The following RC3H1 variants were observed in gnomAD, a reference collection of about 807,000 sequenced individuals.
RC3H1 encodes the protein ring finger and CCCH-type domains 1.
In RC3H1, 50 loss-of-function variants were observed where a neutral mutation model predicts 138.2. The observed-to-expected ratio is 0.36, with a 90% CI of 0.29 to 0.46. RC3H1 has a LOEUF of 0.46. RC3H1 is among the 20% of genes least tolerant of loss of function. The pLI is 1.00. For synonymous variants in RC3H1, 462 were observed against 489.1 expected (o/e 0.94, Z 0.73); for missense variants, 1,031 against 1,388.1 (o/e 0.74, Z 4.09).
At chr1:174,011,020 T>C (rs777508766) in intron 1 of RC3H1, among the ~76,000 whole-genome samples, 3 of 152,178 alleles carry the variant, frequency 2.0e-5, no homozygotes, top group Non-Finnish European at 2.9e-5. Flanking sequence ...TGTAAGAATA[T>C]TATCTGTACT....
chr1:173,999,805 G>C (rs1412694808), intron 1 of RC3H1, among the ~76,000 whole-genome samples: 1 of 152,186 alleles, frequency 6.6e-6, no homozygotes, highest in African/African-American at 2.4e-5. Context: ...TCTATATACA[G>C]TATCTAATTA....
At position 173,980,124 on chromosome 1, in the gene RC3H1, C is replaced by CG. The variant is rs1351647038; in HGVS notation, c.969+684_969+685insC. ...AACTCCTGGCCTCAAGCAATCCCCC[C>CG]ACCTTGGCCTCTCAAAGTGCTGAGA... On this transcript the variant is annotated intron_variant, in intron 6 of 19. Transcript: ENST00000367696. Among the ~76,000 whole-genome samples the CG allele has an allele frequency of 9.9e-5, 15 of 151,754 alleles. 1 individual carries two copies. The South Asian group carries it at 2.5e-3, about 25-fold the overall frequency.
chr1:173,936,488 T>G lies in RC3H1; in HGVS notation c.*2233A>C, dbSNP rs1238814325. Reference sequence around the variant, plus strand: ...GAGATCAACCCACTGCACTCCAGCCTGGGCAACAGAAGCAGACTCCCTCTC... The same window carrying G: ...GAGATCAACCCACTGCACTCCAGCCGGGGCAACAGAAGCAGACTCCCTCTC... On this transcript the variant is annotated 3_prime_UTR_variant, in exon 20 of 20. Coordinates refer to ENST00000367696, the MANE Select transcript of RC3H1 (RefSeq NM_172071.4). 1.8e-5 allele frequency: 2 copies of G among 108,886 alleles called. No individual in the cohort carries two copies. Among genetic ancestry groups the G allele is most frequent in the African/African-American group, 7.5e-5 (2 of 26,494 alleles). The allele number at this position is 108,886 out of a possible 1,614,324, so 6.7% of individuals were successfully genotyped here. A position where few individuals can be genotyped will look rare whatever the true frequency, so the allele number is the denominator to read the frequency against.
In RC3H1 at chr1:173,978,629, AG is replaced by A. The variant is rs1660678587; in HGVS notation, c.970-10del. 7.5e-6 allele frequency: 12 copies of A among 1,604,398 alleles called. 1 individual carries two copies. The South Asian group carries it at 1.2e-4, about 17-fold the overall frequency. Reference sequence around the variant, plus strand: ...GAGGCTGGAGTCTGCAACTTAAAAAAGATAAATGTTAACTTTCCCAAAGGTC... The same window carrying A: ...GAGGCTGGAGTCTGCAACTTAAAAAAATAAATGTTAACTTTCCCAAAGGTC... On this transcript the variant is annotated splice_polypyrimidine_tract_variant and intron_variant, in intron 6 of 19. Coordinates refer to ENST00000367696, the MANE Select transcript of RC3H1 (RefSeq NM_172071.4).
At chr1:174,012,344 T>C (rs1013717547) in intron 1 of RC3H1, among the ~76,000 whole-genome samples, 3 of 152,174 alleles carry the variant, frequency 2.0e-5, no homozygotes, top group African/African-American at 4.8e-5. Context: ...TTTAAAGAAT[T>C]ATAAATAATA....
At chr1:173,953,971 G>A (rs1027112632) in intron 13 of RC3H1, among the ~76,000 whole-genome samples, 3 of 152,030 alleles carry the variant, frequency 2.0e-5, no homozygotes, top group Non-Finnish European at 2.9e-5. Context: ...CCTGGGAGGC[G>A]GAGGTTGCAG....
At chr1:173,977,041 G>A (rs1280837521) in intron 7 of RC3H1, among the ~76,000 whole-genome samples, 1 of 151,668 alleles carries the variant, frequency 6.6e-6, no homozygotes, top group Non-Finnish European at 1.5e-5. Context: ...TCCTGCCTCA[G>A]CCTCCCGAGT....
intron 14 of RC3H1, 143 bp from the exon 15 acceptor site, chr1:173,947,725 T>TA: frequency 1.5e-6 from 1 of 661,138 alleles, no homozygotes; most frequent in Non-Finnish European, 2.6e-6. Flanking sequence ...TGGTTGTTTT[T>TA]ATGTAACACT....
intron 13 of RC3H1, among the ~76,000 whole-genome samples, chr1:173,958,428 C>G (rs1659733006): frequency 6.6e-6 from 1 of 151,952 alleles, no homozygotes. Flanking sequence ...GCCTATAATA[C>G]CAGTTACTGG....
At chr1:173,984,409 T>A (rs1055197993) in intron 3 of RC3H1, 90 bp downstream of exon 3, 17 of 1,247,424 alleles carry the variant, frequency 1.4e-5, no homozygotes, top group Non-Finnish European at 1.8e-5. Flanking sequence ...TTAGGTTTTT[T>A]GGGAATTCCT....
rs1380225441 is a variant in RC3H1 at position 173,956,701 on chromosome 1, T to C, written c.2370+4376A>G. Among the ~76,000 whole-genome samples the C allele has an allele frequency of 6.7e-5, 10 of 148,266 alleles. No homozygotes were observed. The East Asian group carries it at 2.0e-3, about 29-fold the overall frequency. ...AAAAAAAAAAAGAAAGAAAGAAATA[T>C]CACTCTGTATCCCATAAACTTGTAC... is the stretch of plus-strand genomic sequence containing the variant. On this transcript the variant is annotated intron_variant, in intron 13 of 19. Coordinates refer to ENST00000367696, the MANE Select transcript of RC3H1 (RefSeq NM_172071.4).
Position 173,998,144 on chromosome 1 carries a change from A to AG in RC3H1, c.-150-5010dup, listed in dbSNP as rs374735273. On this transcript the variant is annotated intron_variant, in intron 1 of 19. Transcript: ENST00000367696. Reference sequence around the variant, plus strand: ...AAAAGGTATGTCAGCAAACTAAAAAAGGGCCACAAAACAAAAACAGCTGTA... The same window carrying AG: ...AAAAGGTATGTCAGCAAACTAAAAAAGGGGCCACAAAACAAAAACAGCTGTA... Among the ~76,000 whole-genome samples the AG allele has an allele frequency of 6.6e-3, 1,007 of 152,338 alleles. 11 individuals are homozygous for AG. Among genetic ancestry groups the AG allele is most frequent in the African/African-American group, 0.017 (687 of 41,568 alleles).
chr1:174,000,961 G>T (rs1661554795), intron 1 of RC3H1, among the ~76,000 whole-genome samples: 1 of 152,162 alleles, frequency 6.6e-6, no homozygotes, highest in South Asian at 2.1e-4. Flanking sequence ...AAAATGTATG[G>T]ACTGAATTGT....
Position 173,998,812 on chromosome 1 carries a change from C to T in RC3H1, c.-150-5677G>A, listed in dbSNP as rs140793890. Among the ~76,000 whole-genome samples the T allele has an allele frequency of 3.7e-3, 567 of 152,210 alleles. 20 individuals carry two copies. Among genetic ancestry groups the T allele is most frequent in the Admixed American group, 0.034 (524 of 15,278 alleles). ...TATCAAAATAAAAAAATTATTTCAG[C>T]TAGGTGCTGTGGTTCACGCCTGCAA... On this transcript the variant is annotated intron_variant, in intron 1 of 19. Coordinates refer to ENST00000367696, the MANE Select transcript of RC3H1 (RefSeq NM_172071.4).
In RC3H1 at chr1:173,955,263, T is replaced by TACA. The variant is rs72151707; in HGVS notation, c.2371-3128_2371-3126dup. Among the ~76,000 whole-genome samples, 462 of 131,736 alleles carry TACA rather than the reference T, an allele frequency of 3.5e-3. 2 individuals are homozygous for TACA. Among genetic ancestry groups the TACA allele is most frequent in the South Asian group, 0.011 (46 of 4,128 alleles). The allele number at this position is 131,736 out of a possible 152,430, so 86.4% of individuals were successfully genotyped here. On this transcript the variant is annotated intron_variant, in intron 13 of 19. Transcript: ENST00000367696. ...AAAAAAAGAGAAACCACAATCTTCA[T>TACA]ACAACAACAACAACAACAACAACAA...
chr1:173,949,120 C>A (rs1659266849), intron 14 of RC3H1, among the ~76,000 whole-genome samples: 1 of 76,620 alleles, frequency 1.3e-5, no homozygotes, highest in Non-Finnish European at 2.1e-5. Context: ...CTAAAACTCT[C>A]TATTTTTTTG....
At position 173,932,714 on chromosome 1, in the gene RC3H1, T is replaced by C. The variant is rs182633354; in HGVS notation, c.*6007A>G. The C allele has an allele frequency of 6.6e-6, 1 of 152,138 alleles. No homozygotes were observed. Among genetic ancestry groups the C allele is most frequent in the African/African-American group, 2.4e-5 (1 of 41,510 alleles). 9.4% of individuals were successfully genotyped at this position (152,138 alleles called of 1,614,324 possible). Reference sequence around the variant, plus strand: ...AGCTAAATGCCTTTAAGTCAGAGAATTATTTTATGGGGTAGTTCAGATATT... The same window carrying C: ...AGCTAAATGCCTTTAAGTCAGAGAACTATTTTATGGGGTAGTTCAGATATT... On this transcript the variant is annotated 3_prime_UTR_variant, in exon 20 of 20. Coordinates refer to ENST00000367696, the MANE Select transcript of RC3H1 (RefSeq NM_172071.4).
At chr1:173,958,835 C>G (rs558168889) in intron 13 of RC3H1, among the ~76,000 whole-genome samples, 21 of 151,360 alleles carry the variant, frequency 1.4e-4, no homozygotes, top group Admixed American at 9.2e-4. Context: ...CTGATTTTCA[C>G]TATCTATATT....
intron 1 of RC3H1, among the ~76,000 whole-genome samples, chr1:174,005,350 T>C (rs1388125866): frequency 6.6e-6 from 1 of 152,200 alleles, no homozygotes; most frequent in African/African-American, 2.4e-5. Context: ...ACTCACAGAA[T>C]TGTAAGCGAA....
Sources: gnomAD v4.1 joint callset for allele counts (sites outside exome capture counted in the v4.1 genomes callset) on GRCh38, gnomAD v4.1.1 for gene constraint, MANE v1.5 for transcripts, NCBI Gene and HGNC (gene_info 2026-07-23, HGNC 2026-07-21) for gene names.